SEL1L: variants seen among roughly 807,000 people sequenced by gnomAD.
The protein encoded by SEL1L is SEL1L adaptor subunit of SYVN1 ubiquitin ligase.
A neutral mutation model predicts 109.8 loss-of-function variants in SEL1L; 52 were observed. The ratio of observed to expected loss-of-function variants is 0.47; its 90% CI spans 0.38 to 0.60. The LOEUF is 0.60. Among genes scored for constraint, SEL1L ranks in the 20% least tolerant of loss-of-function variants. SEL1L has a pLI of 0.00. For synonymous variants in SEL1L, 373 were observed against 339.6 expected (o/e 1.10, Z -1.08); for missense variants, 749 against 962.2 (o/e 0.78, Z 2.93).
Position 81,472,349 on chromosome 14 carries a change from T to C in SEL1L, c.*4623A>G, listed in dbSNP as rs1903034745. The C allele has an allele frequency of 4.8e-6, 1 of 209,152 alleles. No homozygotes were observed. Among genetic ancestry groups the C allele is most frequent in the Admixed American group, 5.7e-5 (1 of 17,496 alleles). 13.0% of individuals were successfully genotyped at this position (209,152 alleles called of 1,614,324 possible). On this transcript the variant is annotated 3_prime_UTR_variant, in exon 21 of 21. Coordinates refer to ENST00000336735, the MANE Select transcript of SEL1L (RefSeq NM_005065.6). ...CTCAGTTGCCACAGTTTGCATCATG[T>C]AGGCTTTTTATCCAAGATCCAATGC...
At chr14:81,487,063 T>G (rs927339186) in intron 16 of SEL1L, among the ~76,000 whole-genome samples, 1 of 151,672 alleles carries the variant, frequency 6.6e-6, no homozygotes, top group Non-Finnish European at 1.5e-5. Context: ...CTCAACCTCC[T>G]AAGTAGCTGG....
chr14:81,485,678 A>G lies in SEL1L; in HGVS notation c.1867T>C (p.Ser623Pro). 1 of 1,613,682 alleles carries G rather than the reference A, an allele frequency of 6.2e-7. No individual in the cohort carries two copies. The highest frequency in any genetic ancestry group is 8.5e-7 in the Non-Finnish European group (1 of 1,179,622). ...RALLHWNRAA[S>P]QGYTVARIKL... is the part of the protein sequence containing the mutation. ...CTTAGAATTAATCACTTACCTTGAG[A>G]GGCGGCCCTGTTCCAATGTAGCAAA... The change falls in exon 18 of 21, where the codon TCT becomes CCT. Residue 623 changes from serine (S) to proline (P), a missense_variant. Around this residue, in one of 2 missense-constraint regions of SEL1L, gnomAD observed 383 missense variants for 562.5 expected, o/e 0.68. Coordinates refer to ENST00000336735, the MANE Select transcript of SEL1L (RefSeq NM_005065.6).
chr14:81,486,552 T>C (rs1903525885), intron 16 of SEL1L, 98 bp from the exon 17 acceptor site: 1 of 1,150,678 alleles, frequency 8.7e-7, no homozygotes, highest in Admixed American at 2.4e-5. Flanking sequence ...CTATTAAGCT[T>C]GCTCCTTCAA....
At chr14:81,505,990 A>AT (rs1884222412) in intron 4 of SEL1L, 84 bp downstream of exon 4, 1 of 1,363,608 alleles carries the variant, frequency 7.3e-7, no homozygotes, top group Non-Finnish European at 1.0e-6. Flanking sequence ...CCAATGTGGA[A>AT]AAAGGATGGC....
At chr14:81,495,544 G>A (rs544673332) in intron 10 of SEL1L, among the ~76,000 whole-genome samples, 3 of 152,272 alleles carry the variant, frequency 2.0e-5, no homozygotes, top group African/African-American at 7.2e-5. Flanking sequence ...GGCTGAGGTG[G>A]GAGGATCACC....
At chr14:81,516,064 C>T (rs189647456) in intron 3 of SEL1L, among the ~76,000 whole-genome samples, 14 of 152,322 alleles carry the variant, frequency 9.2e-5, no homozygotes, top group African/African-American at 2.6e-4. Context: ...GCTGCCCCCT[C>T]GCCCATGTCC....
Position 81,532,651 on chromosome 14 carries a change from T to C in SEL1L, c.70+1024A>G, listed in dbSNP as rs563649651. ...TTATTTTAGAAGCAGAATGACGTTA[T>C]GGCATTGATTTACAACTAGGACAGG... On this transcript the variant is annotated intron_variant, in intron 1 of 20. Transcript: ENST00000336735. Among the ~76,000 whole-genome samples the C allele has an allele frequency of 7.8e-4, 119 of 152,310 alleles. No homozygotes were observed. In the South Asian group the frequency reaches 0.023, roughly 29 times the overall value.
At position 81,472,268 on chromosome 14, in the gene SEL1L, C is replaced by T. The variant is rs1903032472; in HGVS notation, c.*4704G>A. On this transcript the variant is annotated 3_prime_UTR_variant, in exon 21 of 21. Transcript: ENST00000336735. ...CAACTTTTAGGTCAGTCAAGGTCAT[C>T]TGGGGTCACTGACTGTGCTCCCACA... The T allele has an allele frequency of 5.8e-6, 1 of 172,374 alleles. No individual in the cohort carries two copies. Among genetic ancestry groups the T allele is most frequent in the Non-Finnish European group, 1.2e-5 (1 of 80,488 alleles). 10.7% of individuals were successfully genotyped at this position (172,374 alleles called of 1,614,324 possible).
At chr14:81,511,084 T>G (rs1884459515) in intron 3 of SEL1L, among the ~76,000 whole-genome samples, 1 of 152,242 alleles carries the variant, frequency 6.6e-6, no homozygotes, top group African/African-American at 2.4e-5. Context: ...CAATGGTATG[T>G]AATTTGCTAC....
chr14:81,504,530 CTTT>C (rs1884156954), intron 4 of SEL1L, among the ~76,000 whole-genome samples: 1 of 151,724 alleles, frequency 6.6e-6, no homozygotes, highest in African/African-American at 2.4e-5. Context: ...ACTGAAATCA[CTTT>C]TTTATAGAAA....
intron 4 of SEL1L, 76 bp from the exon 5 acceptor site, chr14:81,504,382 G>A (rs1884144794): frequency 3.8e-6 from 4 of 1,045,912 alleles, no homozygotes; most frequent in South Asian, 4.0e-5. Context: ...TCTTTCTTTT[G>A]GGCAGTCATA....
In SEL1L at chr14:81,471,938, G is replaced by A. The variant is rs1903025326; in HGVS notation, c.*5034C>T. ...TTATTCGTAAAAAAATACCCAAAAA[G>A]TAAAAACTTTCCTTTTTATTTTTCG... On this transcript the variant is annotated 3_prime_UTR_variant, in exon 21 of 21. Transcript: ENST00000336735. The A allele has an allele frequency of 1.3e-5, 2 of 152,116 alleles. No individual in the cohort carries two copies. Among genetic ancestry groups the A allele is most frequent in the Admixed American group, 6.5e-5 (1 of 15,272 alleles). The allele number at this position is 152,116 out of a possible 1,614,324, so 9.4% of individuals were successfully genotyped here.
intron 19 of SEL1L, 73 bp downstream of exon 19, chr14:81,484,152 T>C: frequency 6.8e-7 from 1 of 1,469,014 alleles, no homozygotes; most frequent in Non-Finnish European, 9.3e-7. Flanking sequence ...GGAAAGTCTA[T>C]TTTCTATACA....
rs753441937 is a variant in SEL1L, at chr14:81,526,960, G to A, written c.113C>T (p.Thr38Ile). ...CTTTACTGACTCATCTGATGTCAAA[G>A]TAGTCTGAGAATATAAAGTATTTTT... ...SQDESLDSKT[T>I]LTSDESVKDH... Residue 38 changes from threonine (T) to isoleucine (I), a missense_variant, in exon 3 of 21, where the codon ACT (threonine) becomes ATT (isoleucine). Around this residue, in one of 2 missense-constraint regions of SEL1L, gnomAD observed 366 missense variants for 399.8 expected, o/e 0.92. Transcript: ENST00000336735. 4.4e-6 allele frequency: 7 copies of A among 1,606,112 alleles called. No individual in the cohort carries two copies. In the South Asian group the frequency reaches 5.5e-5, roughly 13 times the overall value.
chr14:81,513,225 C>A (rs1218238575), intron 3 of SEL1L, among the ~76,000 whole-genome samples: 1 of 152,166 alleles, frequency 6.6e-6, no homozygotes, highest in Non-Finnish European at 1.5e-5. Flanking sequence ...AGGACATGGG[C>A]AGGGCCAAAT....
intron 19 of SEL1L, among the ~76,000 whole-genome samples, chr14:81,483,260 T>C (rs566539334): frequency 6.6e-6 from 1 of 152,332 alleles, no homozygotes; most frequent in Non-Finnish European, 1.5e-5. Flanking sequence ...ATTTATCTCA[T>C]TAAAAGATGC....
At chr14:81,492,807 G>A (rs757438367) in intron 11 of SEL1L, among the ~76,000 whole-genome samples, 13 of 152,142 alleles carry the variant, frequency 8.5e-5, no homozygotes, top group East Asian at 1.9e-4. Context: ...CTGCCTAAAC[G>A]TAAGGTACAA....
intron 17 of SEL1L, 95 bp downstream of exon 17, chr14:81,486,194 G>T: frequency 8.5e-7 from 1 of 1,172,302 alleles, no homozygotes; most frequent in Non-Finnish European, 1.2e-6. Flanking sequence ...AATAAAGAAT[G>T]TTTCCTAGTA....
At chr14:81,530,745 C>G (rs79376857) in intron 1 of SEL1L, among the ~76,000 whole-genome samples, 1 of 152,090 alleles carries the variant, frequency 6.6e-6, no homozygotes, top group Non-Finnish European at 1.5e-5. Flanking sequence ...GTGTCAATGA[C>G]GAGGATATGT....
Sources: allele counts gnomAD v4.1 joint callset (sites outside exome capture counted in the v4.1 genomes callset), GRCh38; gene constraint gnomAD v4.1.1; regional missense constraint gnomAD v4.1.1; transcripts MANE v1.5; gene names NCBI Gene and HGNC (gene_info 2026-07-23, HGNC 2026-07-21).